The following KIR3DL2 variants were observed in gnomAD, a reference collection of about 807,000 sequenced individuals.
KIR3DL2 encodes the protein killer cell immunoglobulin-like receptor 3DL2.
A neutral mutation model predicts 41.6 loss-of-function variants in KIR3DL2; 42 were observed. The ratio of observed to expected loss-of-function variants is 1.01; its 90% CI spans 0.79 to 1.31. The LOEUF (loss-of-function observed/expected upper bound fraction) is 1.31, where lower values mean the gene tolerates loss of function less well. KIR3DL2 is among the 50% of genes most tolerant of loss of function. The probability of loss-of-function intolerance (pLI) is 0.00; values close to 1 mark genes in which losing one functional copy is unlikely to be tolerated. For missense variants in KIR3DL2, 728 were observed against 576.8 expected, an observed-to-expected ratio of 1.26 and a Z score of -2.68; for synonymous variants, 230 against 221.3, an observed-to-expected ratio of 1.04 and a Z score of -0.35.
At chr19:54,863,897 T>A (rs1467401555) in intron 6 of KIR3DL2, among the ~76,000 whole-genome samples, 1 of 152,126 alleles carries the variant, frequency 6.6e-6, no homozygotes, top group African/African-American at 2.4e-5. Flanking sequence ...TTTGTTGCCG[T>A]TGCTTTTGGT....
chr19:54,859,139 G>T lies in KIR3DL2; in HGVS notation c.1000+10G>T. 1 of 1,609,996 alleles carries T rather than the reference G, an allele frequency of 6.2e-7. No homozygotes were observed. The highest frequency in any genetic ancestry group is 8.5e-7 in the Non-Finnish European group (1 of 1,176,614). ...CCAAGCTCCAAATCTGGTGAGTAAA[G>T]GACCCCTCTTATCTCTGCTTTTGGA... is the stretch of plus-strand genomic sequence containing the variant. On this transcript the variant is annotated intron_variant, in intron 6 of 8. Transcript: ENST00000326321.
intron 5 of KIR3DL2, 92 bp downstream of exon 5, chr19:54,856,004 T>A (rs1249044018): frequency 2.2e-5 from 32 of 1,472,930 alleles, no homozygotes; most frequent in Non-Finnish European, 2.6e-5. Flanking sequence ...CATGGACAGA[T>A]GCAGAGAGAA....
chr19:54,862,458 G>T lies in KIR3DL2; in HGVS notation c.1000+3329G>T, dbSNP rs1389971916. Among the ~76,000 whole-genome samples, 6 of 152,202 alleles carry T rather than the reference G, an allele frequency of 3.9e-5. No individual in the cohort carries two copies. The East Asian group carries it at 1.2e-3, about 29-fold the overall frequency. ...ACTCCAGGGAGACAGAACACACAGAGAATACGTTACATAGGCAGGTTCATT... is the reference window on the plus strand; with the variant it reads ...ACTCCAGGGAGACAGAACACACAGATAATACGTTACATAGGCAGGTTCATT... On this transcript the variant is annotated intron_variant, in intron 6 of 8. Transcript: ENST00000326321.
chr19:54,866,277 C>A, intron 7 of KIR3DL2, 93 bp from the exon 8 acceptor site: 2 of 1,325,468 alleles, frequency 1.5e-6, no homozygotes, highest in Non-Finnish European at 2.1e-6. Context: ...GCCTCAGGCA[C>A]CTACAGCCTC....
At chr19:54,853,306 C>T (rs1366975045) in intron 3 of KIR3DL2, among the ~76,000 whole-genome samples, 5 of 151,586 alleles carry the variant, frequency 3.3e-5, no homozygotes, top group Non-Finnish European at 7.4e-5. Flanking sequence ...GCAGGAGAGG[C>T]TCCCAATCCC....
At chr19:54,851,031 G>A (rs1014379490) in intron 1 of KIR3DL2, among the ~76,000 whole-genome samples, 189 bp from the exon 2 acceptor site, 1 of 148,910 alleles carries the variant, frequency 6.7e-6, no homozygotes, top group African/African-American at 2.5e-5. Context: ...GCCAGGAAGT[G>A]TTGATCTGGG....
chr19:54,863,074 C>T (rs971077060), intron 6 of KIR3DL2, among the ~76,000 whole-genome samples: 1 of 131,262 alleles, frequency 7.6e-6, no homozygotes, highest in African/African-American at 2.9e-5. Context: ...TCTCATTGTT[C>T]AATTCCCACC....
intron 3 of KIR3DL2, among the ~76,000 whole-genome samples, chr19:54,853,146 A>C (rs1050777150): frequency 6.6e-6 from 1 of 151,568 alleles, no homozygotes; most frequent in Non-Finnish European, 1.5e-5. Context: ...GAAACCAAAC[A>C]AGGAGAAGGT....
intron 6 of KIR3DL2, among the ~76,000 whole-genome samples, chr19:54,859,751 G>A (rs1385023521): frequency 1.3e-5 from 2 of 151,882 alleles, no homozygotes; most frequent in Non-Finnish European, 2.9e-5. Flanking sequence ...GTAGCTCAAA[G>A]CATGACGTGC....
At position 54,859,140 on chromosome 19, in the gene KIR3DL2, G is replaced by A; in HGVS notation, c.1000+11G>A. 1 of 1,609,806 alleles carries A rather than the reference G, an allele frequency of 6.2e-7. No homozygotes were observed. ...CAAGCTCCAAATCTGGTGAGTAAAG[G>A]ACCCCTCTTATCTCTGCTTTTGGAA... On this transcript the variant is annotated intron_variant, in intron 6 of 8. Coordinates refer to ENST00000326321, the MANE Select transcript of KIR3DL2 (RefSeq NM_006737.4).
chr19:54,853,825 G>C lies in KIR3DL2; in HGVS notation c.434G>C (p.Trp145Ser), dbSNP rs1196797846. 1.2e-6 allele frequency: 2 copies of C among 1,613,018 alleles called. No homozygotes were observed. Among genetic ancestry groups the C allele is most frequent in the South Asian group, 2.2e-5 (2 of 91,078 alleles). ...GGAGAGACAGTCATCCTGCAATGTTGGTCAGATGTCATGTTTGAGCACTTC... is the reference window on the plus strand; with the variant it reads ...GGAGAGACAGTCATCCTGCAATGTTCGTCAGATGTCATGTTTGAGCACTTC... ...KSGETVILQC[W>S]SDVMFEHFFL... Residue 145 changes from tryptophan (W) to serine (S), a missense_variant, in exon 4 of 9, where the codon TGG (tryptophan) becomes TCG (serine). Physicochemically the swap from Trp to Ser is radical, Grantham distance 177 (BLOSUM62 -3). Coordinates refer to ENST00000326321, the MANE Select transcript of KIR3DL2 (RefSeq NM_006737.4).
chr19:54,856,013 A>ATTCT, intron 5 of KIR3DL2, 101 bp downstream of exon 5: 1 of 1,428,592 alleles, frequency 7.0e-7, no homozygotes, highest in Non-Finnish European at 9.6e-7. Context: ...ATGCAGAGAG[A>ATTCT]ACACGAAGAC....
rs903406581 is a variant in KIR3DL2, at chr19:54,855,470, G to A, written c.656-149G>A. 78 of 1,269,706 alleles carry A rather than the reference G, an allele frequency of 6.1e-5. No individual in the cohort carries two copies. The African/African-American group carries it at 9.2e-4, about 15-fold the overall frequency. 78.7% of individuals were successfully genotyped at this position (1,269,706 alleles called of 1,614,324 possible). On this transcript the variant is annotated intron_variant, in intron 4 of 8. Coordinates refer to ENST00000326321, the MANE Select transcript of KIR3DL2 (RefSeq NM_006737.4). Reference sequence around the variant, plus strand: ...TAGAGAGACAGAGAAGGCGGAAGGAGGAAATAGACATGAAGAGAGTTGGGG... The same window carrying A: ...TAGAGAGACAGAGAAGGCGGAAGGAAGAAATAGACATGAAGAGAGTTGGGG...
intron 6 of KIR3DL2, among the ~76,000 whole-genome samples, chr19:54,863,268 G>C (rs2065303709): frequency 6.6e-6 from 1 of 151,724 alleles, no homozygotes; most frequent in Non-Finnish European, 1.5e-5. Flanking sequence ...TTGGACATTT[G>C]GGTTGGTTCC....
rs148001252 is a variant in KIR3DL2, at chr19:54,862,463, C to T, written c.1000+3334C>T. ...AGGGAGACAGAACACACAGAGAATA[C>T]GTTACATAGGCAGGTTCATTACTAA... On this transcript the variant is annotated intron_variant, in intron 6 of 8. Transcript: ENST00000326321. Among the ~76,000 whole-genome samples, 11 of 152,192 alleles carry T rather than the reference C, an allele frequency of 7.2e-5. No individual in the cohort carries two copies. The East Asian group carries it at 1.9e-3, about 27-fold the overall frequency.
At chr19:54,861,344 C>A (rs1325768339) in intron 6 of KIR3DL2, among the ~76,000 whole-genome samples, 1 of 151,372 alleles carries the variant, frequency 6.6e-6, no homozygotes, top group East Asian at 1.9e-4. Context: ...ATGAAGGGAC[C>A]TAGTATAGCA....
intron 6 of KIR3DL2, among the ~76,000 whole-genome samples, chr19:54,860,330 T>C (rs1248745778): frequency 6.6e-6 from 1 of 151,914 alleles, no homozygotes; most frequent in Non-Finnish European, 1.5e-5. Flanking sequence ...ATGAATGATC[T>C]ATTGAGAAGC....
chr19:54,865,444 AG>A (rs2065436918), intron 6 of KIR3DL2, among the ~76,000 whole-genome samples: 1 of 151,994 alleles, frequency 6.6e-6, no homozygotes, highest in Non-Finnish European at 1.5e-5. Context: ...GAACTAATAG[AG>A]GGGGAACTTG....
chr19:54,851,842 A>G (rs2064269531), intron 2 of KIR3DL2, among the ~76,000 whole-genome samples, 156 bp from the exon 3 acceptor site: 1 of 151,668 alleles, frequency 6.6e-6, no homozygotes, highest in Non-Finnish European at 1.5e-5. Context: ...TTGTAGGGAG[A>G]CGCCATGTCT....
Sources: allele counts gnomAD v4.1 joint callset (sites outside exome capture counted in the v4.1 genomes callset), GRCh38; gene constraint gnomAD v4.1.1; transcripts MANE v1.5; gene names NCBI Gene and HGNC (gene_info 2026-07-23, HGNC 2026-07-21).